Variants in ANO3 observed in about 807,000 individuals in gnomAD.
ANO3 encodes anoctamin-3.
Under a neutral mutation model 144.8 loss-of-function variants are expected in ANO3, and 99 were observed. The observed-to-expected ratio is 0.68, with a 90% CI of 0.58 to 0.81. The LOEUF is 0.81. Ranked by LOEUF, ANO3 falls within the 30% of genes least tolerant of loss-of-function variation. The probability of loss-of-function intolerance (pLI) is 0.00; values close to 1 mark genes in which losing one functional copy is unlikely to be tolerated. For synonymous variants in ANO3, 414 were observed against 392.6 expected, an observed-to-expected ratio of 1.05 and a Z score of -0.64; for missense variants, 905 against 1,202.2, an observed-to-expected ratio of 0.75 and a Z score of 3.66.
chr11:26,536,787 G>A (rs1384423915), intron 9 of ANO3, among the ~76,000 whole-genome samples: 1 of 151,844 alleles, frequency 6.6e-6, no homozygotes, highest in Admixed American at 6.6e-5. Context: ...TATCAGTTTT[G>A]GATATGTAAT....
At chr11:26,504,853 T>C (rs762273767) in intron 4 of ANO3, among the ~76,000 whole-genome samples, 1 of 151,344 alleles carries the variant, frequency 6.6e-6, no homozygotes, top group African/African-American at 2.4e-5. Flanking sequence ...GTACTAAAGA[T>C]ACAAAAAAAT....
chr11:26,553,390 A>G (rs765576597), intron 13 of ANO3, 45 bp downstream of exon 13: 8 of 1,398,292 alleles, frequency 5.7e-6, no homozygotes, highest in Non-Finnish European at 8.0e-6. Flanking sequence ...TGTACTGAGA[A>G]GCAGGCTGTA....
rs541462477 is a variant in ANO3 at position 26,332,548 on chromosome 11, G to A, written c.46+227G>A. 4.0e-5 allele frequency among the ~76,000 whole-genome samples: 6 copies of A among 151,018 alleles called. No individual in the cohort carries two copies. The South Asian group carries it at 6.4e-4, about 16-fold the overall frequency. On this transcript the variant is annotated intron_variant, in intron 1 of 26. Coordinates refer to ENST00000256737, the MANE Select transcript of ANO3 (RefSeq NM_031418.4). ...GGAGTATCGGAATTCGTCATTTCAG[G>A]ACTTGACTTAATGTATATCTCTGTG...
chr11:26,374,918 A>G (rs1443663744), intron 1 of ANO3, among the ~76,000 whole-genome samples: 1 of 151,926 alleles, frequency 6.6e-6, no homozygotes, highest in East Asian at 1.9e-4. Context: ...TAATTTTTGT[A>G]TTTTTAGTAG....
At position 26,345,837 on chromosome 11, in the gene ANO3, G is replaced by A. The variant is rs568777318; in HGVS notation, c.46+13516G>A. ...ACTTATGTAATTGTTTCAAAAATAT[G>A]CCAAAATAGGTACTATTAGCTCTGT... On this transcript the variant is annotated intron_variant, in intron 1 of 26. Coordinates refer to ENST00000256737, the MANE Select transcript of ANO3 (RefSeq NM_031418.4). 2.6e-5 allele frequency among the ~76,000 whole-genome samples: 4 copies of A among 152,240 alleles called. No homozygotes were observed. In the South Asian group the frequency reaches 8.3e-4, roughly 32 times the overall value.
At chr11:26,265,389 C>T (rs1203298770) in intron 1 of ANO3, among the ~76,000 whole-genome samples, 1 of 152,194 alleles carries the variant, frequency 6.6e-6, no homozygotes, top group Non-Finnish European at 1.5e-5. Flanking sequence ...GCTATGTCCT[C>T]TCCATGTTAT....
intron 14 of ANO3, among the ~76,000 whole-genome samples, chr11:26,593,156 C>T (rs1251675765): frequency 2.0e-5 from 3 of 152,118 alleles, no homozygotes; most frequent in Non-Finnish European, 4.4e-5. Flanking sequence ...GATGTTCCCT[C>T]GGAAGTTAGG....
chr11:26,603,662 A>T (rs1355168826), intron 17 of ANO3, among the ~76,000 whole-genome samples: 1 of 137,260 alleles, frequency 7.3e-6, no homozygotes, highest in Non-Finnish European at 1.7e-5. Context: ...TTTTTCTAGA[A>T]TACACATACA....
chr11:26,628,928 T>C lies in ANO3; in HGVS notation c.1873+4430T>C, dbSNP rs1055034761. Among the ~76,000 whole-genome samples the C allele has an allele frequency of 5.9e-5, 9 of 152,272 alleles. No homozygotes were observed. The East Asian group carries it at 1.7e-3, about 30-fold the overall frequency. On this transcript the variant is annotated intron_variant, in intron 18 of 26. Transcript: ENST00000256737. The stretch of plus-strand genomic sequence containing the variant: ...CTTATAGCAGTATGATAGGACATCT[T>C]ACATGTCAACTGGCTTCCAGGAAGA...
At chr11:26,376,355 A>G in intron 1 of ANO3, among the ~76,000 whole-genome samples, 1 of 152,180 alleles carries the variant, frequency 6.6e-6, no homozygotes, top group South Asian at 2.1e-4. Flanking sequence ...GACAGGGAAA[A>G]TACTCACATC....
intron 1 of ANO3, among the ~76,000 whole-genome samples, chr11:26,352,059 T>C (rs530796653): frequency 6.6e-6 from 1 of 152,244 alleles, no homozygotes; most frequent in Non-Finnish European, 1.5e-5. Context: ...CTCGATGCAG[T>C]AGGAAAGAGA....
chr11:26,483,045 T>C (rs1042143496), intron 4 of ANO3, among the ~76,000 whole-genome samples: 1 of 146,700 alleles, frequency 6.8e-6, no homozygotes, highest in African/African-American at 2.7e-5. Context: ...AGTGCAGGTA[T>C]TTTTTTTTCA....
intron 16 of ANO3, 104 bp downstream of exon 16, chr11:26,599,102 A>T (rs1851722470): frequency 8.2e-7 from 1 of 1,219,804 alleles, no homozygotes; most frequent in South Asian, 1.3e-5. Flanking sequence ...CAGAAACCTT[A>T]TTCTTTCCAA....
At chr11:26,257,671 A>G (rs2133824556) in intron 1 of ANO3, among the ~76,000 whole-genome samples, 1 of 152,238 alleles carries the variant, frequency 6.6e-6, no homozygotes, top group African/African-American at 2.4e-5. Context: ...CTCATCACTG[A>G]TTATACCTGA....
chr11:26,479,851 A>G (rs117484872), intron 4 of ANO3, among the ~76,000 whole-genome samples: 3,452 of 152,312 alleles, frequency 0.023, 66 homozygotes, highest in Non-Finnish European at 0.036. Context: ...CTGAACTGTT[A>G]TCTTTAGCAG....
chr11:26,366,186 C>A (rs1444161129), intron 1 of ANO3, among the ~76,000 whole-genome samples: 1 of 151,844 alleles, frequency 6.6e-6, no homozygotes, highest in South Asian at 2.1e-4. Flanking sequence ...GATGTTCCCC[C>A]TCCTATGTCC....
At chr11:26,190,342 G>A (rs1320694676) in intron 1 of ANO3, among the ~76,000 whole-genome samples, 3 of 151,956 alleles carry the variant, frequency 2.0e-5, no homozygotes, top group Non-Finnish European at 4.4e-5. Context: ...TTGTTTTACA[G>A]TATAAGAGTT....
rs865879668 is a variant in ANO3, at chr11:26,553,279, T to C, written c.1320T>C (p.Phe440=). 6.2e-7 allele frequency: 1 copy of C among 1,612,144 alleles called. No individual in the cohort carries two copies. The highest frequency in any genetic ancestry group is 8.5e-7 in the Non-Finnish European group (1 of 1,178,896). ...AAATTTGTAAAGCCACTGAAGTCTT[T>C]ATGTGCCCTCTCTGTGACAAGAACT... The part of the protein sequence containing the change: ...SQEICKATEV[F]MCPLCDKNCS... The change falls in exon 13 of 27, where the codon TTT becomes TTC. Residue 440 remains phenylalanine (F), a synonymous_variant. Transcript: ENST00000256737.
chr11:26,386,357 G>C (rs1856731907), intron 1 of ANO3, among the ~76,000 whole-genome samples: 1 of 152,078 alleles, frequency 6.6e-6, no homozygotes, highest in Non-Finnish European at 1.5e-5. Context: ...ATCACATTTT[G>C]GCATCCATCA....
Sources: allele counts gnomAD v4.1 joint callset (sites outside exome capture counted in the v4.1 genomes callset), GRCh38; gene constraint gnomAD v4.1.1; transcripts MANE v1.5; gene names NCBI Gene and HGNC (gene_info 2026-07-23, HGNC 2026-07-21).